Variants in SPATS2 observed in about 807,000 individuals in gnomAD.
SPATS2 encodes spermatogenesis associated serine rich 2.
A neutral mutation model predicts 63.7 loss-of-function variants in SPATS2; 38 were observed. The observed-to-expected ratio is 0.60, with a 90% CI of 0.46 to 0.78. SPATS2 has a LOEUF of 0.78. Ranked by LOEUF, SPATS2 falls within the 30% of genes least tolerant of loss-of-function variation. The pLI, the probability that SPATS2 is intolerant of heterozygous loss-of-function variation, is 0.00. For missense variants in SPATS2, 588 were observed against 666.2 expected, an observed-to-expected ratio of 0.88 and a Z score of 1.29; for synonymous variants, 207 against 232.9, an observed-to-expected ratio of 0.89 and a Z score of 1.01.
chr12:49,435,849 C>G (rs1457833228), intron 2 of SPATS2, among the ~76,000 whole-genome samples: 10 of 150,480 alleles, frequency 6.6e-5, no homozygotes, highest in Non-Finnish European at 1.3e-4. Context: ...TGACTCTTAA[C>G]GAGCATGCTG....
intron 2 of SPATS2, among the ~76,000 whole-genome samples, chr12:49,375,143 T>A (rs1404087520): frequency 5.5e-4 from 1 of 1,830 alleles, no homozygotes. Flanking sequence ...AGTTGTGGAG[T>A]GTGTGTGTGT....
chr12:49,389,468 C>G (rs1271537868), intron 2 of SPATS2: 8 of 738,396 alleles, frequency 1.1e-5, no homozygotes, highest in Non-Finnish European at 1.9e-5. Flanking sequence ...GTCCTCATCG[C>G]CACAGCTGAC....
At chr12:49,383,270 C>T (rs773144415) in intron 2 of SPATS2, among the ~76,000 whole-genome samples, 16 of 151,944 alleles carry the variant, frequency 1.1e-4, no homozygotes, top group African/African-American at 3.1e-4. Flanking sequence ...CCGCCTGCCT[C>T]GGCCTCTCAA....
chr12:49,455,684 C>G (rs951910024), intron 2 of SPATS2, among the ~76,000 whole-genome samples: 5 of 152,236 alleles, frequency 3.3e-5, no homozygotes, highest in African/African-American at 1.2e-4. Context: ...TGCAGTGGCA[C>G]AGTCATGGCT....
chr12:49,416,935 T>C (rs1025118049), intron 2 of SPATS2, among the ~76,000 whole-genome samples: 2 of 152,202 alleles, frequency 1.3e-5, no homozygotes, highest in Admixed American at 6.6e-5. Flanking sequence ...ACCCCACATA[T>C]ATACCTATCA....
chr12:49,520,056 C>T (rs1472714247), intron 11 of SPATS2, among the ~76,000 whole-genome samples: 1 of 151,836 alleles, frequency 6.6e-6, no homozygotes, highest in East Asian at 1.9e-4. Context: ...CTCAGCTCAC[C>T]GCAACCTCCG....
chr12:49,469,757 G>C (rs137899793), intron 3 of SPATS2, among the ~76,000 whole-genome samples: 2,283 of 150,666 alleles, frequency 0.015, 206 homozygotes, highest in Admixed American at 0.14. Flanking sequence ...GCGTGGTGCT[G>C]CACGCCTGTA....
At chr12:49,373,399 T>C (rs1944036409) in intron 2 of SPATS2, among the ~76,000 whole-genome samples, 1 of 152,208 alleles carries the variant, frequency 6.6e-6, no homozygotes, top group Non-Finnish European at 1.5e-5. Flanking sequence ...TAGGAGACTT[T>C]GTGAGCCCAC....
chr12:49,465,413 C>T (rs1398722659), intron 3 of SPATS2, among the ~76,000 whole-genome samples: 3 of 151,676 alleles, frequency 2.0e-5, no homozygotes, highest in African/African-American at 4.9e-5. Context: ...GTAATGGTAT[C>T]TCATTGTGGT....
At chr12:49,454,505 C>G (rs1945683868) in intron 2 of SPATS2, 1 of 152,234 alleles carries the variant, frequency 6.6e-6, no homozygotes, top group South Asian at 2.1e-4. Context: ...AAAAAACATT[C>G]ATACATCATT....
intron 5 of SPATS2, 152 bp downstream of exon 5, chr12:49,489,725 T>C: frequency 1.6e-6 from 1 of 613,836 alleles, no homozygotes; most frequent in South Asian, 2.2e-5. Flanking sequence ...GATACCTCTT[T>C]CAGCTGAAAT....
chr12:49,412,168 A>C (rs780435656), intron 2 of SPATS2, among the ~76,000 whole-genome samples: 3 of 152,110 alleles, frequency 2.0e-5, no homozygotes, highest in Non-Finnish European at 4.4e-5. Context: ...AGATAGCATG[A>C]CCATCAGTCT....
chr12:49,433,935 C>T (rs1945228891), intron 2 of SPATS2, among the ~76,000 whole-genome samples: 1 of 152,076 alleles, frequency 6.6e-6, no homozygotes, highest in Admixed American at 6.5e-5. Flanking sequence ...TTCCTTATTT[C>T]TTTTTGAGTT....
intron 2 of SPATS2, among the ~76,000 whole-genome samples, chr12:49,376,016 C>G (rs1278360427): frequency 6.6e-6 from 1 of 151,182 alleles, no homozygotes; most frequent in East Asian, 1.9e-4. Context: ...TCTCAAACAC[C>G]TGGCCTCAAA....
chr12:49,401,595 T>C (rs768565597), intron 2 of SPATS2, among the ~76,000 whole-genome samples: 3 of 152,228 alleles, frequency 2.0e-5, no homozygotes, highest in Non-Finnish European at 4.4e-5. Flanking sequence ...TATGAACTCT[T>C]ACCAAAAAGT....
At chr12:49,432,258 G>C (rs187577093) in intron 2 of SPATS2, among the ~76,000 whole-genome samples, 7 of 152,284 alleles carry the variant, frequency 4.6e-5, no homozygotes, top group Admixed American at 3.9e-4. Context: ...TGGATCATGG[G>C]TTCAGGAGTT....
At chr12:49,512,768 G>C (rs1386571240) in intron 9 of SPATS2, 14 of 765,546 alleles carry the variant, frequency 1.8e-5, no homozygotes, top group Non-Finnish European at 2.6e-5. Context: ...CACAGCGTCT[G>C]CATCTTAAGG....
At chr12:49,427,228 A>G (rs1435534888) in intron 2 of SPATS2, among the ~76,000 whole-genome samples, 1 of 152,234 alleles carries the variant, frequency 6.6e-6, no homozygotes, top group Non-Finnish European at 1.5e-5. Context: ...AAAAATAGTT[A>G]TCAAATATAT....
intron 2 of SPATS2, among the ~76,000 whole-genome samples, chr12:49,452,702 C>G (rs1483349049): frequency 6.6e-6 from 1 of 151,666 alleles, no homozygotes; most frequent in East Asian, 1.9e-4. Flanking sequence ...ATTTGGTTGT[C>G]TTTTTTTATT....
Sources: allele counts gnomAD v4.1 joint callset (sites outside exome capture counted in the v4.1 genomes callset), GRCh38; gene constraint gnomAD v4.1.1; transcripts MANE v1.5; gene names NCBI Gene and HGNC (gene_info 2026-07-23, HGNC 2026-07-21).